Variants in PCDH9 observed in about 807,000 individuals in gnomAD.
PCDH9 encodes protocadherin-9.
Under a neutral mutation model 70.6 loss-of-function variants are expected in PCDH9, and 24 were observed. The observed-to-expected ratio is 0.34, with a 90% CI of 0.25 to 0.48. The LOEUF is 0.48. Among genes scored for constraint, PCDH9 ranks in the 20% least tolerant of loss-of-function variants. The pLI is 0.99. For missense variants in PCDH9, 1,281 were observed against 1,503.6 expected, an observed-to-expected ratio of 0.85 and a Z score of 2.45; for synonymous variants, 562 against 558.5, an observed-to-expected ratio of 1.01 and a Z score of -0.09.
At chr13:66,327,229 A>T (rs930739851) in intron 4 of PCDH9, among the ~76,000 whole-genome samples, 4 of 152,170 alleles carry the variant, frequency 2.6e-5, no homozygotes, top group Non-Finnish European at 4.4e-5. Flanking sequence ...GACACATGTT[A>T]AAGTTTTGAT....
intron 3 of PCDH9, among the ~76,000 whole-genome samples, chr13:66,660,361 C>T (rs1215727011): frequency 2.0e-5 from 2 of 99,212 alleles, no homozygotes; most frequent in Non-Finnish European, 2.1e-5. Flanking sequence ...TGAATCACTG[C>T]ACTGTCTGAG....
intron 2 of PCDH9, among the ~76,000 whole-genome samples, chr13:67,028,985 C>G (rs1435152726): frequency 6.6e-6 from 1 of 152,124 alleles, no homozygotes; most frequent in Non-Finnish European, 1.5e-5. Context: ...ATAGCCTATG[C>G]AAACTCTGCA....
intron 4 of PCDH9, among the ~76,000 whole-genome samples, chr13:66,358,552 T>C (rs1956421260): frequency 6.6e-6 from 1 of 151,822 alleles, no homozygotes; most frequent in South Asian, 2.1e-4. Flanking sequence ...TACGGAAAAC[T>C]TTTTTTTCAA....
At chr13:67,036,150 C>A (rs1309579986) in intron 2 of PCDH9, among the ~76,000 whole-genome samples, 1 of 152,114 alleles carries the variant, frequency 6.6e-6, no homozygotes, top group African/African-American at 2.4e-5. Flanking sequence ...ACATAAAGTG[C>A]CACATCTCAC....
intron 3 of PCDH9, among the ~76,000 whole-genome samples, chr13:66,721,599 C>T (rs1163270325): frequency 6.6e-6 from 1 of 152,046 alleles, no homozygotes; most frequent in Non-Finnish European, 1.5e-5. Context: ...CATATCCTGA[C>T]TCATATAAAA....
rs1268484116 is a variant in PCDH9, at chr13:66,303,287, A to T, written c.*1368T>A. 1 of 152,414 alleles carries T rather than the reference A, an allele frequency of 6.6e-6. No individual in the cohort carries two copies. The highest frequency in any genetic ancestry group is 1.9e-4 in the East Asian group (1 of 5,164). The allele number at this position is 152,414 out of a possible 1,614,324, so 9.4% of individuals were successfully genotyped here. A position where few individuals can be genotyped will look rare whatever the true frequency, so the allele number is the denominator to read the frequency against. Reference sequence around the variant, plus strand: ...GAATTTGGATTTGTTTGCACGTGCAACTGAGATCTTATTAACATTAGTTGT... The same window carrying T: ...GAATTTGGATTTGTTTGCACGTGCATCTGAGATCTTATTAACATTAGTTGT... On this transcript the variant is annotated 3_prime_UTR_variant, in exon 5 of 5. Transcript: ENST00000377865.
At chr13:66,402,723 T>C (rs1041478556) in intron 4 of PCDH9, among the ~76,000 whole-genome samples, 2 of 152,188 alleles carry the variant, frequency 1.3e-5, no homozygotes, top group African/African-American at 2.4e-5. Flanking sequence ...CATTTTGAAC[T>C]GAAATCATGT....
In PCDH9 at chr13:66,903,554, G is replaced by T; in HGVS notation, c.3088C>A (p.Pro1030Thr). The T allele has an allele frequency of 6.3e-7, 1 of 1,585,964 alleles. No homozygotes were observed. Among genetic ancestry groups the T allele is most frequent in the Non-Finnish European group, 8.7e-7 (1 of 1,155,810 alleles). Reference protein sequence around the residue: ...DNIPVTPQKCPSSTGFHIQEN... With the variant: ...DNIPVTPQKCTSSTGFHIQEN... ...TGAATGTGGAAACCCGTGGAGCTGG[G>T]ACATTTCTGAGGAGTGACAGGAATA... The change falls in exon 3 of 5, where the codon CCC becomes ACC. Residue 1030 changes from proline (P) to threonine (T), a missense_variant. Coordinates refer to ENST00000377865, the MANE Select transcript of PCDH9 (RefSeq NM_203487.3).
intron 4 of PCDH9, among the ~76,000 whole-genome samples, chr13:66,454,993 TA>T (rs1481574071): frequency 3.3e-5 from 5 of 151,876 alleles, no homozygotes; most frequent in South Asian, 2.1e-4. Flanking sequence ...AAGCATTTTA[TA>T]AAAAAAATTA....
intron 2 of PCDH9, among the ~76,000 whole-genome samples, chr13:67,137,215 G>A (rs1173799605): frequency 2.0e-5 from 3 of 152,048 alleles, no homozygotes; most frequent in Non-Finnish European, 4.4e-5. Context: ...TAATCATTTT[G>A]TTCGGTAAAT....
Position 67,138,679 on chromosome 13 carries a change from C to T in PCDH9, c.3036+86726G>A, listed in dbSNP as rs539955175. 7.9e-5 allele frequency among the ~76,000 whole-genome samples: 12 copies of T among 152,286 alleles called. No individual in the cohort carries two copies. The South Asian group carries it at 1.4e-3, about 18-fold the overall frequency. ...GAGCTCCTATGCTCAGGCCTGCGCCCGCATTGTGGAGGGTATTTTCATTTT... is the reference window on the plus strand; with the variant it reads ...GAGCTCCTATGCTCAGGCCTGCGCCTGCATTGTGGAGGGTATTTTCATTTT... On this transcript the variant is annotated intron_variant, in intron 2 of 4. Coordinates refer to ENST00000377865, the MANE Select transcript of PCDH9 (RefSeq NM_203487.3).
At chr13:66,977,858 T>C (rs1352843344) in intron 2 of PCDH9, among the ~76,000 whole-genome samples, 2 of 152,092 alleles carry the variant, frequency 1.3e-5, no homozygotes, top group Non-Finnish European at 1.5e-5. Context: ...TCCCACCAGA[T>C]TTCGCATAGA....
intron 2 of PCDH9, among the ~76,000 whole-genome samples, chr13:67,199,861 G>T (rs907000581): frequency 1.3e-5 from 2 of 152,046 alleles, no homozygotes; most frequent in Non-Finnish European, 2.9e-5. Context: ...GCTCTGTTTT[G>T]TGTGCAGCAT....
chr13:66,488,278 A>C (rs1958977914), intron 4 of PCDH9, among the ~76,000 whole-genome samples: 2 of 152,204 alleles, frequency 1.3e-5, no homozygotes, highest in Non-Finnish European at 2.9e-5. Flanking sequence ...GAATTGCTCA[A>C]GGAGAGAGAT....
intron 3 of PCDH9, among the ~76,000 whole-genome samples, chr13:66,698,873 C>A (rs1165491663): frequency 6.7e-6 from 1 of 148,640 alleles, no homozygotes; most frequent in Admixed American, 6.7e-5. Context: ...AGAGGTGAGA[C>A]ACTTCGCCCG....
rs1324395616 is a variant in PCDH9 at position 67,055,282 on chromosome 13, A to G, written c.3037-151677T>C. Among the ~76,000 whole-genome samples the G allele has an allele frequency of 2.6e-5, 4 of 152,248 alleles. 1 individual carries two copies. The South Asian group carries it at 6.2e-4, about 24-fold the overall frequency. On this transcript the variant is annotated intron_variant, in intron 2 of 4. Transcript: ENST00000377865. ...CTATAGGACACATTGGTCAAAGTGA[A>G]CTCTGACAGGCTCCAGCTTATAAAT...
intron 4 of PCDH9, among the ~76,000 whole-genome samples, chr13:66,410,673 G>A (rs1957355282): frequency 6.6e-6 from 1 of 152,212 alleles, no homozygotes; most frequent in African/African-American, 2.4e-5. Flanking sequence ...TATGAGGAAA[G>A]TGAGAAGCTG....
intron 4 of PCDH9, among the ~76,000 whole-genome samples, chr13:66,367,159 T>C (rs1256744532): frequency 6.6e-6 from 1 of 152,136 alleles, no homozygotes; most frequent in Non-Finnish European, 1.5e-5. Flanking sequence ...ATGTTAAACG[T>C]ATATTATGTA....
chr13:66,951,541 AATGATT>A (rs57996567), intron 2 of PCDH9, among the ~76,000 whole-genome samples: 39,395 of 151,708 alleles, frequency 0.26, 5,738 homozygotes, highest in African/African-American at 0.39. Flanking sequence ...TCATAGGCTG[AATGATT>A]ATTTTAAATG....
Sources: gnomAD v4.1 joint callset for allele counts (sites outside exome capture counted in the v4.1 genomes callset) on GRCh38, gnomAD v4.1.1 for gene constraint, MANE v1.5 for transcripts, NCBI Gene and HGNC (gene_info 2026-07-23, HGNC 2026-07-21) for gene names.